The following ANK3 variants were observed in gnomAD, a reference collection of about 807,000 sequenced individuals.
ANK3 encodes the protein ankyrin 3.
ANK3 carries 57 observed loss-of-function variants against 370.9 expected under a neutral mutation model. The ratio of observed to expected loss-of-function variants is 0.15; its 90% CI spans 0.12 to 0.19. The LOEUF (loss-of-function observed/expected upper bound fraction) is 0.19, where lower values mean the gene tolerates loss of function less well. Among genes scored for constraint, ANK3 ranks in the 10% least tolerant of loss-of-function variants. The pLI is 1.00. For missense variants in ANK3, 4,439 were observed against 5,302.1 expected (o/e 0.84, Z 5.06); for synonymous variants, 1,929 against 1,946.3 (o/e 0.99, Z 0.23).
At chr10:60,425,441 G>C (rs952141137) in intron 2 of ANK3, among the ~76,000 whole-genome samples, 5 of 152,106 alleles carry the variant, frequency 3.3e-5, no homozygotes, top group African/African-American at 1.2e-4. Flanking sequence ...AGTTCTATGT[G>C]TTTAAACAAT....
At chr10:60,089,677 A>G (rs1027135404) in intron 28 of ANK3, among the ~76,000 whole-genome samples, 3 of 152,178 alleles carry the variant, frequency 2.0e-5, no homozygotes, top group African/African-American at 2.4e-5. Context: ...AGATTTACTC[A>G]GAAGTACAAT....
intron 2 of ANK3, among the ~76,000 whole-genome samples, chr10:60,424,557 A>G (rs2063840965): frequency 6.6e-6 from 1 of 152,054 alleles, no homozygotes. Flanking sequence ...GGTTCAGGAA[A>G]TAAGAAAAAA....
At chr10:60,541,393 A>C (rs2076845193) in intron 2 of ANK3, among the ~76,000 whole-genome samples, 1 of 151,996 alleles carries the variant, frequency 6.6e-6, no homozygotes, top group South Asian at 2.1e-4. Flanking sequence ...CCTGTGCAGA[A>C]AATAAAAGAT....
intron 2 of ANK3, among the ~76,000 whole-genome samples, chr10:60,524,203 C>T (rs768961565): frequency 2.0e-4 from 31 of 152,098 alleles, no homozygotes; most frequent in Non-Finnish European, 4.1e-4. Flanking sequence ...AATCTTGTCT[C>T]CAAGAAAAGG....
chr10:60,301,933 G>T (rs541020662), intron 1 of ANK3, among the ~76,000 whole-genome samples: 15 of 152,100 alleles, frequency 9.9e-5, no homozygotes, highest in African/African-American at 3.4e-4. Context: ...AACCTTTAAG[G>T]CTTGAAGGAA....
At chr10:60,698,628 C>A (rs983214551) in intron 1 of ANK3, among the ~76,000 whole-genome samples, 1 of 148,620 alleles carries the variant, frequency 6.7e-6, no homozygotes, top group Non-Finnish European at 1.5e-5. Flanking sequence ...TGGAAATCAT[C>A]ATTCTCAGTA....
At chr10:60,621,001 T>C (rs1372292595) in intron 1 of ANK3, among the ~76,000 whole-genome samples, 1 of 152,198 alleles carries the variant, frequency 6.6e-6, no homozygotes, top group Non-Finnish European at 1.5e-5. Flanking sequence ...GTTACGCAGC[T>C]TATATACATT....
chr10:60,138,943 AAG>A lies in ANK3; in HGVS notation c.2738+19_2738+20del. ...CATGGTTGTTTTAAATTAACTATGA[AAG>A]ACAGCAACAACGAAGTACCTGGCAG... On this transcript the variant is annotated intron_variant, in intron 24 of 43. Coordinates refer to ENST00000280772, the MANE Select transcript of ANK3 (RefSeq NM_020987.5). 1 of 1,611,286 alleles carries A rather than the reference AAG, an allele frequency of 6.2e-7. No homozygotes were observed. Among genetic ancestry groups the A allele is most frequent in the Non-Finnish European group, 8.5e-7 (1 of 1,179,220 alleles).
intron 40 of ANK3, among the ~76,000 whole-genome samples, chr10:60,061,502 G>A (rs1390514252): frequency 2.0e-5 from 3 of 152,066 alleles, no homozygotes; most frequent in South Asian, 4.1e-4. Context: ...TTAGAAGAAT[G>A]TATAAACTAT....
rs147209108 is a variant in ANK3, at chr10:60,074,889, G to T, written c.5992C>A (p.Arg1998=). 1.9e-6 allele frequency: 3 copies of T among 1,613,766 alleles called. No homozygotes were observed. Among genetic ancestry groups the T allele is most frequent in the African/African-American group, 1.3e-5 (1 of 74,998 alleles). The change falls in exon 37 of 44, where the codon CGG becomes AGG. Residue 1998 remains arginine (R), a synonymous_variant. Transcript: ENST00000280772. ...DWIEFSSEEI[R]EARQQAAASQ... Reference sequence around the variant, plus strand: ...GCAGCAGCTTGTTGTCTGGCTTCCCGGATTTCTTCCGAACTAAATTCTATC... The same window carrying T: ...GCAGCAGCTTGTTGTCTGGCTTCCCTGATTTCTTCCGAACTAAATTCTATC...
At chr10:60,357,810 T>C (rs2058001129) in intron 1 of ANK3, among the ~76,000 whole-genome samples, 1 of 152,188 alleles carries the variant, frequency 6.6e-6, no homozygotes, top group Non-Finnish European at 1.5e-5. Flanking sequence ...TGATGAGTAC[T>C]ACTTCATCTC....
intron 2 of ANK3, among the ~76,000 whole-genome samples, chr10:60,503,647 C>T (rs2075861916): frequency 6.6e-6 from 1 of 152,110 alleles, no homozygotes; most frequent in Non-Finnish European, 1.5e-5. Flanking sequence ...ACCACAGAGC[C>T]TGGGATAGGC....
intron 16 of ANK3, among the ~76,000 whole-genome samples, chr10:60,189,350 G>A (rs1015038268): frequency 6.6e-6 from 1 of 152,206 alleles, no homozygotes; most frequent in Non-Finnish European, 1.5e-5. Context: ...GAGACAGAGA[G>A]ACAGATACAG....
At chr10:60,395,590 T>C (rs184725642) in intron 2 of ANK3, among the ~76,000 whole-genome samples, 26 of 122,978 alleles carry the variant, frequency 2.1e-4, no homozygotes, top group African/African-American at 7.6e-4. Context: ...CTTTCTTTCT[T>C]TCTTTCTTTC....
chr10:60,059,666 A>T (rs1276140039), intron 40 of ANK3: 3 of 1,578,686 alleles, frequency 1.9e-6, no homozygotes, highest in East Asian at 2.2e-5. Flanking sequence ...TTGGGGACCC[A>T]GCCAAATTTC....
intron 2 of ANK3, among the ~76,000 whole-genome samples, chr10:60,564,447 C>T (rs895064417): frequency 2.5e-4 from 38 of 152,084 alleles, no homozygotes; most frequent in Admixed American, 2.2e-3. Context: ...TGTCCAAACA[C>T]GAGAATGAAA....
At position 60,070,903 on chromosome 10, in the gene ANK3, T is replaced by C. The variant is rs1036029162; in HGVS notation, c.9978A>G (p.Pro3326=). The C allele has an allele frequency of 2.5e-6, 4 of 1,613,988 alleles. No individual in the cohort carries two copies. The highest frequency in any genetic ancestry group is 3.4e-6 in the Non-Finnish European group (4 of 1,180,012). The change falls in exon 37 of 44, where the codon CCA becomes CCG. Residue 3326 remains proline (P), a synonymous_variant. Coordinates refer to ENST00000280772, the MANE Select transcript of ANK3 (RefSeq NM_020987.5). This position sits in a 1 kb window ranked among gnomAD's most constrained non-coding sequence, Gnocchi z 5.7. ...DSSDDESIYQ[P]VPVKKYTFKL... ...TGAAGGTATATTTTTTAACTGGGAC[T>C]GGCTGATAAATAGATTCGTCATCGC...
chr10:60,522,341 T>G (rs1037264019), intron 2 of ANK3, among the ~76,000 whole-genome samples: 5 of 111,364 alleles, frequency 4.5e-5, no homozygotes, highest in Non-Finnish European at 7.5e-5. Flanking sequence ...GGTTCCATAT[T>G]GAGACTTTTT....
At chr10:60,354,842 A>G (rs1401402957) in intron 1 of ANK3, among the ~76,000 whole-genome samples, 7 of 152,140 alleles carry the variant, frequency 4.6e-5, no homozygotes, top group African/African-American at 1.7e-4. Flanking sequence ...ATGCTTATGA[A>G]TTTTTAAATA....
Sources: gnomAD v4.1 joint callset for allele counts (sites outside exome capture counted in the v4.1 genomes callset) on GRCh38, gnomAD v4.1.1 for gene constraint, Gnocchi (gnomAD v3.1) non-coding constraint, MANE v1.5 for transcripts, NCBI Gene and HGNC (gene_info 2026-07-23, HGNC 2026-07-21) for gene names.